Variants in DPYD observed in about 807,000 individuals in gnomAD.
DPYD encodes the protein dihydropyrimidine dehydrogenase [NADP(+)].
Under a neutral mutation model 116.2 loss-of-function variants are expected in DPYD, and 109 were observed. That is an observed-to-expected ratio of 0.94 (90% CI 0.80 to 1.10). The LOEUF (loss-of-function observed/expected upper bound fraction) is 1.10, where lower values mean the gene tolerates loss of function less well. Ranked by LOEUF, DPYD falls within the 50% of genes least tolerant of loss-of-function variation. DPYD has a pLI of 0.00. For synonymous variants in DPYD, 440 were observed against 432.0 expected, an observed-to-expected ratio of 1.02 and a Z score of -0.23; for missense variants, 1,302 against 1,254.5, an observed-to-expected ratio of 1.04 and a Z score of -0.57.
At chr1:97,566,727 C>G (rs1046055184) in intron 11 of DPYD, among the ~76,000 whole-genome samples, 2 of 152,034 alleles carry the variant, frequency 1.3e-5, no homozygotes, top group African/African-American at 4.8e-5. Context: ...TGAGAAATTA[C>G]GTAAGCTGAA....
intron 3 of DPYD, among the ~76,000 whole-genome samples, chr1:97,757,201 T>C (rs571260841): frequency 1.7e-3 from 264 of 152,132 alleles, no homozygotes; most frequent in Non-Finnish European, 3.1e-3. Context: ...TAACTCAGAA[T>C]TAAACAAGTG....
At chr1:97,738,707 A>G (rs1338921627) in intron 4 of DPYD, among the ~76,000 whole-genome samples, 1 of 146,988 alleles carries the variant, frequency 6.8e-6, no homozygotes, top group African/African-American at 2.5e-5. Flanking sequence ...TTTTTTTTTG[A>G]GGTTTGACAA....
chr1:97,267,369 G>A (rs761321143), intron 18 of DPYD, among the ~76,000 whole-genome samples: 1 of 152,000 alleles, frequency 6.6e-6, no homozygotes, highest in African/African-American at 2.4e-5. Context: ...CCCACTTTTT[G>A]ATCAAGTGGA....
chr1:97,676,171 C>G (rs2100909519), intron 8 of DPYD, among the ~76,000 whole-genome samples: 1 of 152,240 alleles, frequency 6.6e-6, no homozygotes, highest in Middle Eastern at 3.4e-3. Context: ...TGATGCACAC[C>G]TGTAACAGAG....
At chr1:97,547,213 C>T (rs991757556) in intron 12 of DPYD, among the ~76,000 whole-genome samples, 6 of 151,634 alleles carry the variant, frequency 4.0e-5, no homozygotes, top group Admixed American at 2.0e-4. Flanking sequence ...ATAATAAATC[C>T]TTTGTTATTA....
At chr1:97,920,790 G>C (rs1017217264) in intron 1 of DPYD, 94 bp downstream of exon 1, 2 of 1,505,842 alleles carry the variant, frequency 1.3e-6, no homozygotes, top group African/African-American at 1.4e-5. Flanking sequence ...CTCACTCTCC[G>C]GGGTGCGGGG....
chr1:97,559,987 G>A (rs1316218836), intron 11 of DPYD, among the ~76,000 whole-genome samples: 1 of 152,112 alleles, frequency 6.6e-6, no homozygotes, highest in Non-Finnish European at 1.5e-5. Context: ...ATTGAGATAA[G>A]TTACCAAGGT....
chr1:97,153,115 A>C (rs1220108170), intron 20 of DPYD, among the ~76,000 whole-genome samples: 2 of 152,106 alleles, frequency 1.3e-5, no homozygotes, highest in Admixed American at 1.3e-4. Flanking sequence ...TCTTTGGTCA[A>C]GGCAAAACTG....
intron 13 of DPYD, among the ~76,000 whole-genome samples, chr1:97,499,618 T>C (rs1157973377): frequency 6.6e-6 from 1 of 151,834 alleles, no homozygotes; most frequent in African/African-American, 2.4e-5. Context: ...CAGACTTACT[T>C]ACAAAAATTA....
intron 4 of DPYD, among the ~76,000 whole-genome samples, chr1:97,733,064 T>C (rs112067599): frequency 6.6e-6 from 1 of 151,982 alleles, no homozygotes; most frequent in Non-Finnish European, 1.5e-5. Context: ...TGAAAATAGA[T>C]CTAAATAAAT....
At chr1:97,753,378 A>G (rs552305497) in intron 3 of DPYD, among the ~76,000 whole-genome samples, 7 of 152,308 alleles carry the variant, frequency 4.6e-5, no homozygotes, top group African/African-American at 1.7e-4. Context: ...CTCAGAACAG[A>G]GTATGGTGAC....
At chr1:97,580,559 G>T (rs571708233) in intron 10 of DPYD, among the ~76,000 whole-genome samples, 5 of 152,298 alleles carry the variant, frequency 3.3e-5, no homozygotes, top group Admixed American at 2.6e-4. Context: ...ATCAGCATTT[G>T]TAGGTAATAA....
chr1:97,360,309 G>T (rs1183103897), intron 16 of DPYD, among the ~76,000 whole-genome samples: 1 of 152,078 alleles, frequency 6.6e-6, no homozygotes, highest in Non-Finnish European at 1.5e-5. Flanking sequence ...AGTCCTTAGA[G>T]ACCTACAAAG....
intron 16 of DPYD, among the ~76,000 whole-genome samples, chr1:97,327,745 C>A (rs769552889): frequency 1.3e-5 from 2 of 151,706 alleles, no homozygotes; most frequent in Admixed American, 6.6e-5. Context: ...TATAGATACA[C>A]CCTATTTTAC....
intron 20 of DPYD, among the ~76,000 whole-genome samples, chr1:97,109,715 T>C (rs1651451542): frequency 6.6e-6 from 1 of 152,102 alleles, no homozygotes; most frequent in East Asian, 1.9e-4. Context: ...TTTTGATCCA[T>C]CTAAAACCCT....
At chr1:97,424,713 A>G (rs1464303342) in intron 14 of DPYD, among the ~76,000 whole-genome samples, 3 of 152,088 alleles carry the variant, frequency 2.0e-5, no homozygotes, top group Non-Finnish European at 4.4e-5. Flanking sequence ...CATCTGAGCT[A>G]GTATGAACCC....
chr1:97,643,979 T>C (rs892081789), intron 8 of DPYD, among the ~76,000 whole-genome samples: 8 of 152,130 alleles, frequency 5.3e-5, no homozygotes, highest in African/African-American at 1.9e-4. Flanking sequence ...AAATACCTAA[T>C]GTAGATGAGG....
chr1:97,450,259 A>C, intron 13 of DPYD, 36 bp from the exon 14 acceptor site: 1 of 1,610,166 alleles, frequency 6.2e-7, no homozygotes. Context: ...TCTCCTTTTG[A>C]CAAAGAAAAG....
chr1:97,707,397 C>T (rs536421134), intron 5 of DPYD, among the ~76,000 whole-genome samples: 2 of 151,422 alleles, frequency 1.3e-5, no homozygotes, highest in African/African-American at 4.8e-5. Flanking sequence ...CACCCACTAA[C>T]TCGTCATCTA....
Sources: gnomAD v4.1 joint callset for allele counts (sites outside exome capture counted in the v4.1 genomes callset) on GRCh38, gnomAD v4.1.1 for gene constraint, MANE v1.5 for transcripts, NCBI Gene and HGNC (gene_info 2026-07-23, HGNC 2026-07-21) for gene names.